ZNF398: variants seen among roughly 807,000 people sequenced by gnomAD.
ZNF398 encodes zinc finger DNA binding protein ZER6.
ZNF398 carries 18 observed loss-of-function variants against 41.9 expected under a neutral mutation model. The ratio of observed to expected loss-of-function variants is 0.43; its 90% CI spans 0.30 to 0.64. The LOEUF is 0.64. ZNF398 is among the 30% of genes least tolerant of loss of function. The pLI, the probability that ZNF398 is intolerant of heterozygous loss-of-function variation, is 0.14. For synonymous variants in ZNF398, 260 were observed against 308.8 expected, an observed-to-expected ratio of 0.84 and a Z score of 1.66; for missense variants, 669 against 822.8, an observed-to-expected ratio of 0.81 and a Z score of 2.29.
intron 2 of ZNF398, among the ~76,000 whole-genome samples, chr7:149,135,483 G>A (rs1235871816): frequency 6.6e-6 from 1 of 151,070 alleles, no homozygotes; most frequent in Non-Finnish European, 1.5e-5. Context: ...TCATAAGAAT[G>A]ATATAGTGGA....
chr7:149,143,179 G>C (rs916140676), upstream of ZNF398, among the ~76,000 whole-genome samples: 16 of 152,076 alleles, frequency 1.1e-4, no homozygotes, highest in African/African-American at 3.9e-4. Flanking sequence ...CGGCAAGCAG[G>C]AACATTGTAG....
chr7:149,177,733 A>G (rs965589791), intron 5 of ZNF398, among the ~76,000 whole-genome samples: 7 of 152,262 alleles, frequency 4.6e-5, no homozygotes, highest in African/African-American at 1.4e-4. Flanking sequence ...AGGCTTTGTC[A>G]CAACAGGCAA....
intron 4 of ZNF398, among the ~76,000 whole-genome samples, chr7:149,172,447 G>C (rs75184691): frequency 1.3e-5 from 2 of 151,414 alleles, no homozygotes; most frequent in Admixed American, 6.6e-5. Flanking sequence ...AGTACCCCGC[G>C]CTCCCCCCCT....
At chr7:149,158,857 G>T (rs1237952462) in intron 2 of ZNF398, among the ~76,000 whole-genome samples, 1 of 150,820 alleles carries the variant, frequency 6.6e-6, no homozygotes, top group Non-Finnish European at 1.5e-5. Context: ...AAGAAAATTA[G>T]TATTTATTTT....
At chr7:149,134,333 C>G (rs780615589) in intron 2 of ZNF398, among the ~76,000 whole-genome samples, 2 of 151,638 alleles carry the variant, frequency 1.3e-5, no homozygotes, top group East Asian at 1.9e-4. Flanking sequence ...ATCCAACCCC[C>G]CTCCCCACCG....
chr7:149,134,965 A>T (rs1826679417), intron 2 of ZNF398, among the ~76,000 whole-genome samples: 1 of 152,188 alleles, frequency 6.6e-6, no homozygotes, highest in Non-Finnish European at 1.5e-5. Flanking sequence ...CCCTGGGCTC[A>T]GGTGACCTGC....
intron 1 of ZNF398, among the ~76,000 whole-genome samples, chr7:149,149,683 T>A (rs75129390): frequency 0.57 from 84,057 of 148,352 alleles, 25,321 homozygotes; most frequent in East Asian, 0.9. Context: ...ACAAAAAAAA[T>A]TTTTTTTTTT....
chr7:149,132,516 C>T (rs938358129), intron 2 of ZNF398, among the ~76,000 whole-genome samples: 17 of 151,986 alleles, frequency 1.1e-4, no homozygotes, highest in South Asian at 2.1e-4. Context: ...TTCTCTCTTT[C>T]GAGAGAGAGA....
intron 2 of ZNF398, among the ~76,000 whole-genome samples, chr7:149,131,530 A>T (rs1826594527): frequency 1.3e-5 from 2 of 152,140 alleles, no homozygotes; most frequent in Non-Finnish European, 2.9e-5. Context: ...TACTACAAAT[A>T]CAGAAATTAG....
rs1355727982 is a variant in ZNF398, at chr7:149,180,362, G to A, written c.*561G>A. ...CACACCTCTGTGGCTGTCTTTCCCT[G>A]AAACATGGTAACTCAAGACTGCCTG... On this transcript the variant is annotated 3_prime_UTR_variant, in exon 6 of 6. Coordinates refer to ENST00000475153, the MANE Select transcript of ZNF398 (RefSeq NM_170686.3). The A allele has an allele frequency of 6.6e-6, 1 of 152,228 alleles. No homozygotes were observed. Among genetic ancestry groups the A allele is most frequent in the Non-Finnish European group, 1.5e-5 (1 of 68,056 alleles). The allele number at this position is 152,228 out of a possible 1,614,324, so 9.4% of individuals were successfully genotyped here. A position where few individuals can be genotyped will look rare whatever the true frequency, so the allele number is the denominator to read the frequency against.
intron 4 of ZNF398, among the ~76,000 whole-genome samples, chr7:149,172,081 T>C (rs1278083294): frequency 6.6e-6 from 1 of 152,162 alleles, no homozygotes; most frequent in Non-Finnish European, 1.5e-5. Flanking sequence ...TATACAAATG[T>C]TACATGGTAC....
upstream of ZNF398, among the ~76,000 whole-genome samples, chr7:149,145,942 CTTTTTT>C (rs34950278): frequency 3.2e-4 from 33 of 103,090 alleles, no homozygotes; most frequent in Non-Finnish European, 4.7e-4. Flanking sequence ...CTCGCAGGTC[CTTTTTT>C]TTTTTTTTTT....
rs377068147 is a variant in ZNF398, at chr7:149,154,129, G to A, written c.209G>A (p.Arg70Gln). 3.1e-6 allele frequency: 5 copies of A among 1,614,012 alleles called. No homozygotes were observed. The highest frequency in any genetic ancestry group is 3.3e-5 in the Admixed American group (2 of 59,978). The change falls in exon 2 of 6, where the codon CGG becomes CAG. Residue 70 changes from arginine to glutamine, a missense_variant. Physicochemically the swap from Arg to Gln is conservative, Grantham distance 43. Around this residue, in one of 3 missense-constraint regions of ZNF398, gnomAD observed 169 missense variants for 239.5 expected, o/e 0.71. Transcript: ENST00000475153. ...HSRRLLHLEG[R>Q]TGTAEKKLAS... The stretch of plus-strand genomic sequence containing the variant: ...CGGCGACTCCTACACCTGGAAGGTC[G>A]GACAGGGACAGCAGAGAAGAAACTA...
intron 2 of ZNF398, among the ~76,000 whole-genome samples, chr7:149,137,407 A>C (rs1826737270): frequency 6.6e-6 from 1 of 151,966 alleles, no homozygotes; most frequent in Non-Finnish European, 1.5e-5. Context: ...TTTAACACAG[A>C]GTCTTGCTCT....
At chr7:149,170,439 G>A (rs1033412431) in intron 4 of ZNF398, among the ~76,000 whole-genome samples, 7 of 152,122 alleles carry the variant, frequency 4.6e-5, no homozygotes, top group Non-Finnish European at 1.0e-4. Flanking sequence ...AAAATCTGGT[G>A]TAAAAGATAC....
At chr7:149,157,375 A>C (rs192182486) in intron 2 of ZNF398, among the ~76,000 whole-genome samples, 98 of 147,870 alleles carry the variant, frequency 6.6e-4, no homozygotes, top group African/African-American at 2.2e-3. Flanking sequence ...TCTACTAAAA[A>C]ATATATAAAA....
intron 2 of ZNF398, among the ~76,000 whole-genome samples, chr7:149,129,795 GTTTA>G (rs950478982): frequency 1.3e-4 from 19 of 151,814 alleles, no homozygotes; most frequent in South Asian, 2.1e-4. Flanking sequence ...ATACTTATTT[GTTTA>G]TTTATTTATT....
intron 2 of ZNF398, among the ~76,000 whole-genome samples, chr7:149,157,245 C>T (rs947511534): frequency 2.6e-5 from 4 of 151,048 alleles, no homozygotes; most frequent in Non-Finnish European, 6.0e-5. Context: ...TAAGAAAGTC[C>T]AGGACAGGGC....
chr7:149,147,892 C>T lies in ZNF398; in HGVS notation c.24+126C>T. The T allele has an allele frequency of 6.9e-6, 8 of 1,157,560 alleles. No individual in the cohort carries two copies. Among genetic ancestry groups the T allele is most frequent in the Non-Finnish European group, 8.8e-6 (8 of 905,798 alleles). The allele number at this position is 1,157,560 out of a possible 1,614,324, so 71.7% of individuals were successfully genotyped here. A position where few individuals can be genotyped will look rare whatever the true frequency, so the allele number is the denominator to read the frequency against. ...GGGTCCCGCCGGCCACGTCGCCTGTCGCCCGTGCTTGGCGGCTGCAGCCTC... is the reference window on the plus strand; with the variant it reads ...GGGTCCCGCCGGCCACGTCGCCTGTTGCCCGTGCTTGGCGGCTGCAGCCTC... On this transcript the variant is annotated intron_variant, in intron 1 of 5. Transcript: ENST00000475153. This position sits in a 1 kb window ranked among gnomAD's most constrained non-coding sequence, Gnocchi z 5.6.
Sources: allele counts gnomAD v4.1 joint callset (sites outside exome capture counted in the v4.1 genomes callset), GRCh38; gene constraint gnomAD v4.1.1; regional missense constraint gnomAD v4.1.1; non-coding constraint Gnocchi (gnomAD v3.1); transcripts MANE v1.5; gene names NCBI Gene and HGNC (gene_info 2026-07-23, HGNC 2026-07-21).